The following DIPK2B variants were observed in gnomAD, a reference collection of about 807,000 sequenced individuals.
DIPK2B encodes the protein divergent protein kinase domain 2B.
A neutral mutation model predicts 22.2 loss-of-function variants in DIPK2B; 15 were observed. The ratio of observed to expected loss-of-function variants is 0.68; its 90% CI spans 0.45 to 1.04. The LOEUF is 1.04. Among genes scored for constraint, DIPK2B ranks in the 50% least tolerant of loss-of-function variants. The pLI is 0.00. For missense variants in DIPK2B, 345 were observed against 348.3 expected, an observed-to-expected ratio of 0.99 and a Z score of 0.08; for synonymous variants, 163 against 153.2, an observed-to-expected ratio of 1.06 and a Z score of -0.47.
intron 2 of DIPK2B, among the ~76,000 whole-genome samples, chrX:45,189,090 A>G (rs1448493604): frequency 8.9e-6 from 1 of 112,133 alleles, no homozygotes; most frequent in Non-Finnish European, 1.9e-5. Context: ...ATTTTGTCTC[A>G]CCATGGTCCC....
At chrX:45,179,395 G>T (rs758913649) in intron 2 of DIPK2B, among the ~76,000 whole-genome samples, 2 of 110,829 alleles carry the variant, frequency 1.8e-5, no homozygotes, top group Non-Finnish European at 3.8e-5. Context: ...TACCCCTAAA[G>T]TGTGAAGAAG....
At chrX:45,183,906 A>C (rs2047167841) in intron 2 of DIPK2B, among the ~76,000 whole-genome samples, 1 of 112,070 alleles carries the variant, frequency 8.9e-6, no homozygotes, top group Non-Finnish European at 1.9e-5. Context: ...GACATAGATA[A>C]AAATTGTGTT....
At position 45,151,796 on chromosome X, in the gene DIPK2B, A is replaced by G. The variant is rs1042945870; in HGVS notation, c.1158T>C (p.Leu386=). ...GGCGGATGCTGTCCCCACACTGAAC[A>G]AGGATGGAGTCTATGTCGTCTTGCA... The part of the protein sequence containing the change: ...SPVQDDIDSI[L]VQCGDSIRPD... Residue 386 remains leucine (L), a synonymous_variant, in exon 5 of 5, where the codon CTT becomes CTC. Coordinates refer to ENST00000398000, the MANE Select transcript of DIPK2B (RefSeq NM_176819.4). 1.7e-6 allele frequency: 2 copies of G among 1,210,363 alleles called. No individual in the cohort carries two copies. Among genetic ancestry groups the G allele is most frequent in the Non-Finnish European group, 2.2e-6 (2 of 895,213 alleles).
At chrX:45,198,953 C>T (rs2047253853) in intron 1 of DIPK2B, among the ~76,000 whole-genome samples, 1 of 111,270 alleles carries the variant, frequency 9.0e-6, no homozygotes, top group Non-Finnish European at 1.9e-5. Context: ...ACTGGTCTCA[C>T]AGCCCCTGCC....
chrX:45,175,073 A>G (rs2047109762), intron 2 of DIPK2B, among the ~76,000 whole-genome samples: 1 of 111,480 alleles, frequency 9.0e-6, no homozygotes, highest in Admixed American at 9.6e-5. Context: ...AATCTCTCTA[A>G]GCCTCAGATT....
chrX:45,189,225 C>T (rs12849199), intron 2 of DIPK2B, among the ~76,000 whole-genome samples: 3 of 112,345 alleles, frequency 2.7e-5, no homozygotes, highest in Non-Finnish European at 5.6e-5. Context: ...CACTTGTTTT[C>T]AATTCTCTTG....
At chrX:45,169,293 G>C (rs1883667557) in intron 2 of DIPK2B, among the ~76,000 whole-genome samples, 4 of 111,615 alleles carry the variant, frequency 3.6e-5, no homozygotes, top group African/African-American at 1.3e-4. Flanking sequence ...ATTATCATTT[G>C]TCCCAAACGC....
intron 3 of DIPK2B, among the ~76,000 whole-genome samples, chrX:45,157,003 C>T (rs1261786620): frequency 9.2e-6 from 1 of 108,785 alleles, no homozygotes; most frequent in Non-Finnish European, 1.9e-5. Flanking sequence ...TCTCTTCTTC[C>T]CTCTTTCTCA....
chrX:45,185,713 C>T lies in DIPK2B; in HGVS notation c.498+6038G>A, dbSNP rs1201832875. On this transcript the variant is annotated intron_variant, in intron 2 of 4. Coordinates refer to ENST00000398000, the MANE Select transcript of DIPK2B (RefSeq NM_176819.4). ...TGTTGCCCAGGCTGGAGTGCAGTGGCGCAGTCTCGGCTCACTGCAACCTCC... is the reference window on the plus strand; with the variant it reads ...TGTTGCCCAGGCTGGAGTGCAGTGGTGCAGTCTCGGCTCACTGCAACCTCC... Among the ~76,000 whole-genome samples, 10 of 99,852 alleles carry T rather than the reference C, an allele frequency of 1.0e-4. No individual in the cohort carries two copies. In the East Asian group the frequency reaches 1.2e-3, roughly 12 times the overall value. The allele number at this position is 99,852 out of a possible 115,157, so 86.7% of individuals were successfully genotyped here.
At chrX:45,169,588 T>C (rs2047068094) in intron 2 of DIPK2B, among the ~76,000 whole-genome samples, 1 of 111,881 alleles carries the variant, frequency 8.9e-6, no homozygotes. Context: ...ACGATGGTAT[T>C]TGCCACCAAG....
chrX:45,187,459 C>T (rs1225360900), intron 2 of DIPK2B, among the ~76,000 whole-genome samples: 5 of 57,329 alleles, frequency 8.7e-5, no homozygotes, highest in Admixed American at 2.2e-4. Flanking sequence ...TGCTCGAGGG[C>T]GCGCGCGCGC....
intron 1 of DIPK2B, among the ~76,000 whole-genome samples, chrX:45,194,869 T>C (rs2047230758): frequency 8.9e-6 from 1 of 111,758 alleles, no homozygotes; most frequent in Non-Finnish European, 1.9e-5. Flanking sequence ...GTGGGGGTGG[T>C]GTGGGAAGAG....
intron 2 of DIPK2B, among the ~76,000 whole-genome samples, chrX:45,185,259 G>C (rs1490790905): frequency 1.8e-5 from 2 of 112,052 alleles, no homozygotes; most frequent in African/African-American, 6.5e-5. Context: ...AGGCCTCTGG[G>C]CCAAGTCACA....
At chrX:45,159,703 G>C (rs760882219) in intron 2 of DIPK2B, among the ~76,000 whole-genome samples, 4 of 111,650 alleles carry the variant, frequency 3.6e-5, no homozygotes, top group Non-Finnish European at 7.5e-5. Context: ...TGACTGCAAT[G>C]AGCTATTGGA....
chrX:45,167,173 C>T (rs2047053005), intron 2 of DIPK2B, among the ~76,000 whole-genome samples: 1 of 112,008 alleles, frequency 8.9e-6, no homozygotes, highest in Non-Finnish European at 1.9e-5. Flanking sequence ...ATAATGAAAA[C>T]TCTTTTTTGG....
intron 1 of DIPK2B, among the ~76,000 whole-genome samples, chrX:45,196,788 G>A (rs1256685582): frequency 1.8e-5 from 2 of 111,500 alleles, no homozygotes; most frequent in Non-Finnish European, 3.8e-5. Context: ...TCATATATAG[G>A]TATATTGTCA....
intron 2 of DIPK2B, among the ~76,000 whole-genome samples, chrX:45,168,049 T>C (rs1259803557): frequency 3.6e-5 from 4 of 112,598 alleles, no homozygotes; most frequent in African/African-American, 1.3e-4. Flanking sequence ...TAACTCTCAG[T>C]CATGTTTATA....
At chrX:45,191,513 C>T (rs1328878369) in intron 2 of DIPK2B, 1 of 376,522 alleles carries the variant, frequency 2.7e-6, no homozygotes, top group East Asian at 4.4e-5. Flanking sequence ...TTTCTCGAAT[C>T]GTCACTGAGG....
chrX:45,159,860 A>T (rs12690218), intron 2 of DIPK2B, among the ~76,000 whole-genome samples: 11,705 of 111,705 alleles, frequency 0.1, 630 homozygotes, highest in East Asian at 0.42. Context: ...ATACATTCAA[A>T]CATTTTCTTG....
Sources: gnomAD v4.1 joint callset for allele counts (sites outside exome capture counted in the v4.1 genomes callset) on GRCh38, gnomAD v4.1.1 for gene constraint, MANE v1.5 for transcripts, NCBI Gene and HGNC (gene_info 2026-07-23, HGNC 2026-07-21) for gene names.